Variants in CNTN4 observed in about 807,000 individuals in gnomAD.
CNTN4 encodes the protein contactin-4.
In CNTN4, 77 loss-of-function variants were observed where a neutral mutation model predicts 122.5. That is an observed-to-expected ratio of 0.63 (90% CI 0.52 to 0.76). CNTN4 has a LOEUF of 0.76. Among genes scored for constraint, CNTN4 ranks in the 30% least tolerant of loss-of-function variants. The probability of loss-of-function intolerance (pLI) is 0.00; values close to 1 mark genes in which losing one functional copy is unlikely to be tolerated. For synonymous variants in CNTN4, 512 were observed against 447.0 expected, an observed-to-expected ratio of 1.15 and a Z score of -1.83; for missense variants, 1,256 against 1,259.1, an observed-to-expected ratio of 1.00 and a Z score of 0.04.
intron 2 of CNTN4, among the ~76,000 whole-genome samples, chr3:2,295,347 C>T (rs550567152): frequency 2.2e-5 from 3 of 134,888 alleles, no homozygotes; most frequent in Non-Finnish European, 1.6e-5. Context: ...CTGTTGTTTC[C>T]TGACTTTTGA....
chr3:2,439,268 C>T (rs1309716696), intron 3 of CNTN4, among the ~76,000 whole-genome samples: 1 of 152,184 alleles, frequency 6.6e-6, no homozygotes, highest in Non-Finnish European at 1.5e-5. Flanking sequence ...GGCCTCACCC[C>T]AGACCTACTG....
intron 6 of CNTN4, among the ~76,000 whole-genome samples, chr3:2,757,412 T>G (rs184521691): frequency 6.6e-6 from 1 of 152,288 alleles, no homozygotes; most frequent in East Asian, 1.9e-4. Flanking sequence ...TCTAGGTCAT[T>G]TTCCCTGAAT....
chr3:2,394,894 C>A (rs1469008442), intron 3 of CNTN4, among the ~76,000 whole-genome samples: 2 of 144,750 alleles, frequency 1.4e-5, no homozygotes, highest in Admixed American at 7.4e-5. Flanking sequence ...TCAAGTGATT[C>A]TCCTGCCTCA....
chr3:2,852,614 G>A (rs1310382930), intron 7 of CNTN4, among the ~76,000 whole-genome samples: 1 of 152,112 alleles, frequency 6.6e-6, no homozygotes, highest in African/African-American at 2.4e-5. Flanking sequence ...CCTATGGTGT[G>A]TTATTATTAT....
chr3:2,111,876 G>GT (rs1163235098), intron 2 of CNTN4, among the ~76,000 whole-genome samples: 8 of 152,042 alleles, frequency 5.3e-5, no homozygotes, highest in African/African-American at 1.9e-4. Flanking sequence ...TGATGCTTGT[G>GT]TTGTAGATGA....
At chr3:2,615,704 C>A (rs1360380847) in intron 4 of CNTN4, among the ~76,000 whole-genome samples, 8 of 151,898 alleles carry the variant, frequency 5.3e-5, no homozygotes, top group Non-Finnish European at 1.0e-4. Context: ...CAATTATTTC[C>A]AGAGTATAAT....
chr3:2,490,749 G>A (rs2076292398), intron 3 of CNTN4, among the ~76,000 whole-genome samples: 1 of 152,140 alleles, frequency 6.6e-6, no homozygotes, highest in South Asian at 2.1e-4. Context: ...ATATGGTCAT[G>A]AATTAAAGGC....
intron 4 of CNTN4, among the ~76,000 whole-genome samples, chr3:2,576,115 G>C (rs569996213): frequency 6.6e-6 from 1 of 152,022 alleles, no homozygotes; most frequent in South Asian, 2.1e-4. Context: ...AATTACAGGC[G>C]TGAGCCACCA....
At chr3:2,393,757 A>G (rs923915378) in intron 3 of CNTN4, among the ~76,000 whole-genome samples, 4 of 152,190 alleles carry the variant, frequency 2.6e-5, no homozygotes, top group African/African-American at 4.8e-5. Flanking sequence ...GATCAAGGAA[A>G]GATAGGAAAG....
At chr3:2,465,575 G>A (rs1366380402) in intron 3 of CNTN4, among the ~76,000 whole-genome samples, 2 of 152,102 alleles carry the variant, frequency 1.3e-5, no homozygotes, top group Non-Finnish European at 2.9e-5. Flanking sequence ...TACTCAGGAG[G>A]CTGAGGCAGG....
chr3:3,039,359 T>C lies in CNTN4; in HGVS notation c.2163+356T>C, dbSNP rs140937609. Reference sequence around the variant, plus strand: ...AAACGTCTGCCAGCAATAGATTCAGTGCACCAGCACAATTTCCTGGCAATT... The same window carrying C: ...AAACGTCTGCCAGCAATAGATTCAGCGCACCAGCACAATTTCCTGGCAATT... On this transcript the variant is annotated intron_variant, in intron 19 of 24. Coordinates refer to ENST00000418658, the MANE Select transcript of CNTN4 (RefSeq NM_175607.3). 6.6e-3 allele frequency: 1,437 copies of C among 218,958 alleles called. 25 individuals are homozygous for C. The highest frequency in any genetic ancestry group is 0.031 in the African/African-American group (1,358 of 43,870). 13.6% of individuals were successfully genotyped at this position (218,958 alleles called of 1,614,324 possible). A position where few individuals can be genotyped will look rare whatever the true frequency, so the allele number is the denominator to read the frequency against.
intron 7 of CNTN4, among the ~76,000 whole-genome samples, chr3:2,830,700 C>T (rs1283232938): frequency 2.0e-5 from 3 of 152,190 alleles, no homozygotes; most frequent in Non-Finnish European, 4.4e-5. Flanking sequence ...TGGACATTCA[C>T]TACAGGATAG....
At chr3:3,035,426 TG>T in intron 17 of CNTN4, among the ~76,000 whole-genome samples, 1 of 152,230 alleles carries the variant, frequency 6.6e-6, no homozygotes, top group Non-Finnish European at 1.5e-5. Context: ...AAATCATCTG[TG>T]TAGCACTGTG....
chr3:2,527,835 C>T (rs1387450709), intron 3 of CNTN4, among the ~76,000 whole-genome samples: 9 of 152,142 alleles, frequency 5.9e-5, no homozygotes, highest in Non-Finnish European at 1.5e-5. Flanking sequence ...ACATCCCCCA[C>T]AGTTGGATAC....
At chr3:2,662,964 T>C (rs2083972958) in intron 4 of CNTN4, among the ~76,000 whole-genome samples, 1 of 152,004 alleles carries the variant, frequency 6.6e-6, no homozygotes, top group South Asian at 2.1e-4. Flanking sequence ...TAGCTGGGTG[T>C]GATGGTGTGT....
chr3:2,560,328 T>G (rs9858048), intron 3 of CNTN4, among the ~76,000 whole-genome samples: 12,940 of 151,652 alleles, frequency 0.085, 596 homozygotes, highest in Non-Finnish European at 0.095. Context: ...TTTTAGTAGA[T>G]ATGGGGTTTC....
At chr3:2,296,684 A>G (rs1281890549) in intron 2 of CNTN4, among the ~76,000 whole-genome samples, 1 of 152,134 alleles carries the variant, frequency 6.6e-6, no homozygotes, top group African/African-American at 2.4e-5. Flanking sequence ...GATATTGTAT[A>G]GAACAAAAGG....
chr3:2,480,146 A>AT (rs398105524), intron 3 of CNTN4, among the ~76,000 whole-genome samples: 1 of 151,758 alleles, frequency 6.6e-6, no homozygotes, highest in East Asian at 1.9e-4. Context: ...TCTAAAAAAA[A>AT]CCCTACAGTT....
chr3:2,136,184 T>C (rs1389403573), intron 2 of CNTN4, among the ~76,000 whole-genome samples: 1 of 152,212 alleles, frequency 6.6e-6, no homozygotes, highest in Non-Finnish European at 1.5e-5. Context: ...CATAATCTTG[T>C]CATACTATAG....
Sources: gnomAD v4.1 joint callset for allele counts (sites outside exome capture counted in the v4.1 genomes callset) on GRCh38, gnomAD v4.1.1 for gene constraint, MANE v1.5 for transcripts, NCBI Gene and HGNC (gene_info 2026-07-23, HGNC 2026-07-21) for gene names.